NEBL: variants seen among roughly 807,000 people sequenced by gnomAD.
The protein encoded by NEBL is nebulette, also known as LIM and SH3 protein 2.
Under a neutral mutation model 140.2 loss-of-function variants are expected in NEBL, and 122 were observed. That is an observed-to-expected ratio of 0.87 (90% confidence interval 0.75 to 1.01). NEBL has a LOEUF of 1.01. NEBL is among the 50% of genes least tolerant of loss of function. The probability of loss-of-function intolerance (pLI) is 0.00; values close to 1 mark genes in which losing one functional copy is unlikely to be tolerated. For missense variants in NEBL, 1,365 were observed against 1,231.3 expected, an observed-to-expected ratio of 1.11 and a Z score of -1.62; for synonymous variants, 436 against 398.9, an observed-to-expected ratio of 1.09 and a Z score of -1.11.
At chr10:20,791,226 C>T (rs960911510) in intron 26 of NEBL, among the ~76,000 whole-genome samples, 9 of 152,144 alleles carry the variant, frequency 5.9e-5, no homozygotes, top group Admixed American at 2.6e-4. Flanking sequence ...TATTCTACAA[C>T]ATTTATAACA....
Position 21,109,014 on chromosome 10 carries a change from G to A in NEBL, c.164+63369C>T, listed in dbSNP as rs146871238. 4.0e-3 allele frequency among the ~76,000 whole-genome samples: 615 copies of A among 152,152 alleles called. 3 individuals are homozygous for A. The highest frequency in any genetic ancestry group is 0.026 in the South Asian group (126 of 4,830). Reference sequence around the variant, plus strand: ...TTTCTTTCTCTTGCCCGATTGCCCTGGCCAGAACTTCCAATGCTATGTTGA... The same window carrying A: ...TTTCTTTCTCTTGCCCGATTGCCCTAGCCAGAACTTCCAATGCTATGTTGA... On this transcript the variant is annotated intron_variant, in intron 2 of 6. Coordinates refer to the NEBL transcript ENST00000417816.
chr10:21,232,435 T>A (rs1224693740), intron 3 of NEBL, among the ~76,000 whole-genome samples: 1 of 152,196 alleles, frequency 6.6e-6, no homozygotes, highest in African/African-American at 2.4e-5. Flanking sequence ...TCTGTTATTA[T>A]TACATTGTAA....
intron 3 of NEBL, among the ~76,000 whole-genome samples, chr10:21,209,217 C>A (rs762096420): frequency 3.9e-5 from 6 of 152,188 alleles, no homozygotes; most frequent in Non-Finnish European, 8.8e-5. Flanking sequence ...TTTAAAAAGA[C>A]TTTTCTGGAA....
intron 7 of NEBL, among the ~76,000 whole-genome samples, chr10:20,862,247 T>G (rs1045906239): frequency 3.9e-5 from 6 of 152,186 alleles, no homozygotes; most frequent in Non-Finnish European, 8.8e-5. Context: ...AATGTAATAA[T>G]AAGCATTGTA....
intron 3 of NEBL, among the ~76,000 whole-genome samples, chr10:20,888,692 C>T (rs1425316095): frequency 6.6e-6 from 1 of 152,116 alleles, no homozygotes; most frequent in Non-Finnish European, 1.5e-5. Context: ...CCTGCACTGT[C>T]TTTAAGCCAT....
At chr10:20,905,089 G>A (rs940518340) in intron 4 of NEBL, among the ~76,000 whole-genome samples, 7 of 152,114 alleles carry the variant, frequency 4.6e-5, no homozygotes, top group African/African-American at 1.2e-4. Context: ...TACATTCAAG[G>A]AAACAAAGGA....
At chr10:20,937,775 G>A (rs1034432660) in intron 4 of NEBL, among the ~76,000 whole-genome samples, 1 of 152,154 alleles carries the variant, frequency 6.6e-6, no homozygotes. Context: ...TTAGCAAACG[G>A]CACACCAGGA....
intron 2 of NEBL, among the ~76,000 whole-genome samples, chr10:21,251,711 G>C (rs1842591118): frequency 6.6e-6 from 1 of 151,934 alleles, no homozygotes; most frequent in Non-Finnish European, 1.5e-5. Flanking sequence ...CTATAAAAAA[G>C]GCCCCAGAGA....
chr10:21,116,355 CA>C (rs1036604979), intron 2 of NEBL, among the ~76,000 whole-genome samples: 3 of 151,844 alleles, frequency 2.0e-5, no homozygotes, highest in Middle Eastern at 3.4e-3. Flanking sequence ...ACGGTACACG[CA>C]AAAAAGGTAA....
At chr10:21,029,538 C>T (rs148791819) in intron 2 of NEBL, 33 of 1,606,756 alleles carry the variant, frequency 2.1e-5, no homozygotes, top group Middle Eastern at 2.2e-4. Flanking sequence ...CAGACAGGGA[C>T]GATCGTTCTT....
rs181867692 is a variant in NEBL at position 20,978,323 on chromosome 10, C to T, written c.250-16544G>A. On this transcript the variant is annotated intron_variant, in intron 3 of 6. Transcript: ENST00000417816. ...TTTAGTTTTCTAAATGAAGACAGATCAATAATATCCCGAAGAATAGAGAGC... is the reference window on the plus strand; with the variant it reads ...TTTAGTTTTCTAAATGAAGACAGATTAATAATATCCCGAAGAATAGAGAGC... Among the ~76,000 whole-genome samples, 421 of 151,224 alleles carry T rather than the reference C, an allele frequency of 2.8e-3. 2 individuals carry two copies. Among genetic ancestry groups the T allele is most frequent in the African/African-American group, 9.5e-3 (391 of 41,284 alleles).
chr10:20,961,251 C>T (rs1836037826), intron 4 of NEBL, among the ~76,000 whole-genome samples: 1 of 152,244 alleles, frequency 6.6e-6, no homozygotes, highest in African/African-American at 2.4e-5. Flanking sequence ...AGATGTAATA[C>T]CTGATTTCAA....
In NEBL at chr10:20,808,582, TGTC is replaced by T. The variant is rs1837836867; in HGVS notation, c.2686_2688del (p.Asp896del). On this transcript the variant is annotated inframe_deletion, in exon 26 of 28. Transcript: ENST00000377122. ...GGGTAAATCTCGGAGATTTCTGACC[TGTC>T]GTCTCCGAGACCTGTACCGAAAGTA... 3 of 1,613,736 alleles carry T rather than the reference TGTC, an allele frequency of 1.9e-6. No homozygotes were observed. Among genetic ancestry groups the T allele is most frequent in the Non-Finnish European group, 1.7e-6 (2 of 1,179,630 alleles).
At chr10:21,076,375 G>A (rs11012510) in intron 2 of NEBL, among the ~76,000 whole-genome samples, 3,206 of 145,610 alleles carry the variant, frequency 0.022, 96 homozygotes, top group African/African-American at 0.078. Flanking sequence ...AACCTGAGAG[G>A]CAGAGGTTGC....
intron 4 of NEBL, among the ~76,000 whole-genome samples, chr10:20,927,753 C>T (rs530240483): frequency 1.3e-5 from 2 of 152,290 alleles, no homozygotes; most frequent in Admixed American, 6.5e-5. Context: ...GGGTTCAAAT[C>T]CCAGTTTTGC....
At chr10:21,116,518 T>G (rs1485609925) in intron 2 of NEBL, among the ~76,000 whole-genome samples, 1 of 152,124 alleles carries the variant, frequency 6.6e-6, no homozygotes, top group Non-Finnish European at 1.5e-5. Flanking sequence ...ACATACGGAT[T>G]TGGTAAAGAT....
chr10:21,111,934 T>C (rs1425368322), intron 2 of NEBL, among the ~76,000 whole-genome samples: 6 of 152,122 alleles, frequency 3.9e-5, no homozygotes, highest in Non-Finnish European at 7.4e-5. Context: ...GGAAAGGATA[T>C]GAACAAACAC....
At chr10:20,979,934 C>A (rs548478990) in intron 3 of NEBL, among the ~76,000 whole-genome samples, 1 of 152,150 alleles carries the variant, frequency 6.6e-6, no homozygotes, top group Admixed American at 6.5e-5. Context: ...CTCAACCAAG[C>A]CTCCTGCCTC....
At chr10:21,058,776 G>T (rs1835151146) in intron 2 of NEBL, among the ~76,000 whole-genome samples, 1 of 152,028 alleles carries the variant, frequency 6.6e-6, no homozygotes, top group African/African-American at 2.4e-5. Context: ...ACTGTAAATT[G>T]GTCTAGTATA....
Sources: gnomAD v4.1 joint callset for allele counts (sites outside exome capture counted in the v4.1 genomes callset) on GRCh38, gnomAD v4.1.1 for gene constraint, MANE v1.5 for transcripts, NCBI Gene and HGNC (gene_info 2026-07-23, HGNC 2026-07-21) for gene names.